TBC1D32: variants seen among roughly 807,000 people sequenced by gnomAD.
TBC1D32 encodes the protein protein broad-minded.
Under a neutral mutation model 170.3 loss-of-function variants are expected in TBC1D32, and 151 were observed. The observed-to-expected ratio is 0.89, with a 90% CI of 0.78 to 1.01. TBC1D32 has a LOEUF of 1.01. TBC1D32 is among the 50% of genes least tolerant of loss of function. The pLI is 0.00. For synonymous variants in TBC1D32, 498 were observed against 488.0 expected (o/e 1.02, Z -0.27); for missense variants, 1,464 against 1,457.1 (o/e 1.00, Z -0.08).
intron 18 of TBC1D32, 102 bp downstream of exon 18, chr6:121,242,097 CAG>C: frequency 8.1e-7 from 1 of 1,229,858 alleles, no homozygotes; most frequent in Non-Finnish European, 1.1e-6. Flanking sequence ...GGTCTTTTAA[CAG>C]AGGCTTAATA....
At chr6:121,324,667 T>C (rs1443511420) in intron 1 of TBC1D32, among the ~76,000 whole-genome samples, 1 of 152,372 alleles carries the variant, frequency 6.6e-6, no homozygotes, top group East Asian at 1.9e-4. Flanking sequence ...TCTTCCCATA[T>C]ACATGGAAAC....
Position 121,270,880 on chromosome 6 carries a change from GAATCCAGCA to G in TBC1D32, c.1733+8232_1733+8240del, listed in dbSNP as rs1196280544. 3.2e-4 allele frequency among the ~76,000 whole-genome samples: 49 copies of G among 152,108 alleles called. 1 individual carries two copies. The highest frequency in any genetic ancestry group is 1.2e-3 in the African/African-American group (49 of 41,480). On this transcript the variant is annotated intron_variant, in intron 15 of 31. Transcript: ENST00000398212. ...ATCCTCAATAAAATACTGGCAAACC[GAATCCAGCA>G]GCACATCAAAAAGCTTATCCACCAC...
At chr6:121,303,524 G>C in intron 9 of TBC1D32, 93 bp downstream of exon 9, 2 of 1,046,606 alleles carry the variant, frequency 1.9e-6, no homozygotes, top group Non-Finnish European at 1.3e-6. Context: ...AAAGTGATTA[G>C]AACTCTTAGC....
chr6:121,126,450 AT>A lies in TBC1D32; in HGVS notation c.2910del (p.Glu970AspfsTer31). 1 of 1,611,464 alleles carries A rather than the reference AT, an allele frequency of 6.2e-7. No individual in the cohort carries two copies. Among genetic ancestry groups the A allele is most frequent in the East Asian group, 2.2e-5 (1 of 44,732 alleles). On this transcript the variant is annotated frameshift_variant, in exon 26 of 32. Transcript: ENST00000398212. LOFTEE classifies it high-confidence loss of function. ...AGATGAAGCACAAATTTTTCAAGTAATTCTATTAAGGCTGTAATAAACAAAG... is the reference window on the plus strand; with the variant it reads ...AGATGAAGCACAAATTTTTCAAGTAATCTATTAAGGCTGTAATAAACAAAG... ...PDIISGEALI[E>X]LLEKFVLHLT...
intron 29 of TBC1D32, among the ~76,000 whole-genome samples, chr6:121,110,624 CA>C (rs1265672009): frequency 1.3e-5 from 2 of 151,992 alleles, no homozygotes; most frequent in African/African-American, 4.8e-5. Context: ...TTCATATTAT[CA>C]AATTGCATAG....
At chr6:121,148,707 A>G (rs1316400069) in intron 24 of TBC1D32, among the ~76,000 whole-genome samples, 2 of 151,964 alleles carry the variant, frequency 1.3e-5, no homozygotes, top group African/African-American at 2.4e-5. Context: ...TCTGCCTAGC[A>G]GGTTGCAGCA....
At chr6:121,113,584 T>C (rs1779410209) in intron 27 of TBC1D32, among the ~76,000 whole-genome samples, 1 of 152,098 alleles carries the variant, frequency 6.6e-6, no homozygotes, top group Non-Finnish European at 1.5e-5. Context: ...TGTAGGACTA[T>C]TTTTGATTGT....
At chr6:121,156,945 A>G (rs1440890345) in intron 24 of TBC1D32, among the ~76,000 whole-genome samples, 1 of 152,116 alleles carries the variant, frequency 6.6e-6, no homozygotes, top group African/African-American at 2.4e-5. Context: ...CAATCACAGA[A>G]TATGTTGCAT....
At chr6:121,200,564 T>G (rs1473254952) in intron 22 of TBC1D32, among the ~76,000 whole-genome samples, 2 of 151,596 alleles carry the variant, frequency 1.3e-5, no homozygotes, top group Non-Finnish European at 2.9e-5. Context: ...AACAAATAAA[T>G]GCTAACCAAA....
intron 2 of TBC1D32, among the ~76,000 whole-genome samples, chr6:121,319,310 C>G (rs72963331): frequency 0.024 from 3,638 of 152,094 alleles, 66 homozygotes; most frequent in Non-Finnish European, 0.033. Context: ...AGTCCTGAGA[C>G]ACACACAATA....
intron 1 of TBC1D32, among the ~76,000 whole-genome samples, chr6:121,324,021 T>C (rs1474918846): frequency 6.6e-6 from 1 of 152,198 alleles, no homozygotes; most frequent in Non-Finnish European, 1.5e-5. Flanking sequence ...ATTATTCTAT[T>C]TACCATATGA....
At chr6:121,249,871 A>T (rs920265815) in intron 17 of TBC1D32, among the ~76,000 whole-genome samples, 2 of 152,116 alleles carry the variant, frequency 1.3e-5, no homozygotes, top group Non-Finnish European at 2.9e-5. Context: ...ATGCTCATAG[A>T]TGGGTAGAAT....
intron 27 of TBC1D32, among the ~76,000 whole-genome samples, chr6:121,114,382 G>GT (rs1409105198): frequency 6.6e-6 from 1 of 151,968 alleles, no homozygotes; most frequent in African/African-American, 2.4e-5. Context: ...TAAAAAATAG[G>GT]TGACTAGCCT....
At chr6:121,081,142 AC>A (rs1775608430) in intron 31 of TBC1D32, among the ~76,000 whole-genome samples, 3 of 152,234 alleles carry the variant, frequency 2.0e-5, no homozygotes, top group African/African-American at 4.8e-5. Flanking sequence ...TACCAAAAAA[AC>A]AAAAGCAGAT....
At chr6:121,274,425 C>T (rs1426981728) in intron 15 of TBC1D32, among the ~76,000 whole-genome samples, 1 of 142,562 alleles carries the variant, frequency 7.0e-6, no homozygotes, top group African/African-American at 2.6e-5. Flanking sequence ...AAAATGAAAG[C>T]AGAAAAAAAT....
intron 13 of TBC1D32, among the ~76,000 whole-genome samples, chr6:121,282,321 T>G (rs1803133274): frequency 6.6e-6 from 1 of 151,736 alleles, no homozygotes; most frequent in South Asian, 2.1e-4. Context: ...GATTTTCAGT[T>G]TCATAAATTG....
intron 17 of TBC1D32, among the ~76,000 whole-genome samples, chr6:121,250,454 T>C (rs1798147765): frequency 6.6e-6 from 1 of 151,974 alleles, no homozygotes; most frequent in Non-Finnish European, 1.5e-5. Context: ...ATAAAAGTAA[T>C]CCATCAAATA....
chr6:121,318,041 C>T (rs987554339), intron 2 of TBC1D32, among the ~76,000 whole-genome samples: 2 of 151,928 alleles, frequency 1.3e-5, no homozygotes, highest in Non-Finnish European at 2.9e-5. Context: ...TTATACATCA[C>T]CTTCATCCTC....
intron 31 of TBC1D32, among the ~76,000 whole-genome samples, chr6:121,085,206 T>C (rs1483660592): frequency 7.4e-6 from 1 of 135,598 alleles, no homozygotes; most frequent in Non-Finnish European, 1.5e-5. Context: ...TACATATATA[T>C]ACACATATAT....
Sources: allele counts gnomAD v4.1 joint callset (sites outside exome capture counted in the v4.1 genomes callset), GRCh38; gene constraint gnomAD v4.1.1; transcripts MANE v1.5; gene names NCBI Gene and HGNC (gene_info 2026-07-23, HGNC 2026-07-21).